CALN1: variants seen among roughly 807,000 people sequenced by gnomAD.
CALN1 encodes calneuron 1, also known as calcium-binding protein 8.
Under a neutral mutation model 30.6 loss-of-function variants are expected in CALN1, and 17 were observed. The ratio of observed to expected loss-of-function variants is 0.56; its 90% CI spans 0.38 to 0.83. The LOEUF is 0.83. CALN1 is among the 40% of genes least tolerant of loss of function. CALN1 has a pLI of 0.00. For missense variants in CALN1, 291 were observed against 354.9 expected, an observed-to-expected ratio of 0.82 and a Z score of 1.45; for synonymous variants, 156 against 131.4, an observed-to-expected ratio of 1.19 and a Z score of -1.28.
intron 3 of CALN1, among the ~76,000 whole-genome samples, chr7:72,206,073 A>G (rs1489675495): frequency 3.3e-5 from 5 of 152,198 alleles, no homozygotes. Context: ...TGAATCCTCA[A>G]TATCTGGAAG....
At chr7:72,370,979 T>C (rs1404860440) in intron 2 of CALN1, among the ~76,000 whole-genome samples, 1 of 140,704 alleles carries the variant, frequency 7.1e-6, no homozygotes, top group Non-Finnish European at 1.5e-5. Flanking sequence ...ACCCGGGACG[T>C]GGAGGTTGCA....
chr7:72,118,219 A>T (rs1301581229), intron 3 of CALN1, among the ~76,000 whole-genome samples: 1 of 152,190 alleles, frequency 6.6e-6, no homozygotes, highest in Non-Finnish European at 1.5e-5. Context: ...GCATTTTTGT[A>T]ACTTATTAAG....
intron 4 of CALN1, among the ~76,000 whole-genome samples, chr7:72,096,861 T>A (rs537805842): frequency 2.6e-5 from 4 of 152,276 alleles, no homozygotes; most frequent in Admixed American, 6.5e-5. Flanking sequence ...CATGCACACA[T>A]ATGTTTATTG....
In CALN1 at chr7:71,968,678, G is replaced by A. The variant is rs139187715; in HGVS notation, c.501+54979C>T. On this transcript the variant is annotated intron_variant, in intron 5 of 6. Transcript: ENST00000395275. Reference sequence around the variant, plus strand: ...ATTACAGGTGTGAGCCACCGTGCCGGGACCCGGGGTGATGGAAATATTCTC... The same window carrying A: ...ATTACAGGTGTGAGCCACCGTGCCGAGACCCGGGGTGATGGAAATATTCTC... Among the ~76,000 whole-genome samples, 344 of 152,012 alleles carry A rather than the reference G, an allele frequency of 2.3e-3. 1 individual carries two copies. The highest frequency in any genetic ancestry group is 0.014 in the Middle Eastern group (4 of 294).
chr7:72,004,962 A>G (rs1260321640), intron 5 of CALN1, among the ~76,000 whole-genome samples: 1 of 152,170 alleles, frequency 6.6e-6, no homozygotes, highest in Non-Finnish European at 1.5e-5. Context: ...CACACCTACC[A>G]GAATGGCTAA....
intron 5 of CALN1, among the ~76,000 whole-genome samples, chr7:71,813,052 G>A (rs1437121650): frequency 6.6e-6 from 1 of 151,816 alleles, no homozygotes; most frequent in Non-Finnish European, 1.5e-5. Flanking sequence ...GAGTTCAAGT[G>A]ATCCTTCTGT....
chr7:71,992,998 AAGAAAGAGAACCATTGGAG>A (rs1799035735), intron 5 of CALN1, among the ~76,000 whole-genome samples: 1 of 103,658 alleles, frequency 9.6e-6, no homozygotes, highest in African/African-American at 7.7e-5. Flanking sequence ...CTTCGCTCAT[AAGAAAGAGAACCATTGGAG>A]AAGAAAGAGA....
chr7:72,171,064 G>T (rs902899465), intron 3 of CALN1, among the ~76,000 whole-genome samples: 13 of 152,164 alleles, frequency 8.5e-5, no homozygotes, highest in African/African-American at 3.1e-4. Context: ...GGCTGAGGTG[G>T]GAGGATAGCT....
At chr7:71,996,654 T>TCAGGATAAATAGCTAATGCATG (rs1346707525) in intron 5 of CALN1, among the ~76,000 whole-genome samples, 11 of 152,170 alleles carry the variant, frequency 7.2e-5, no homozygotes, top group Non-Finnish European at 1.0e-4. Flanking sequence ...AGGGAGAGCA[T>TCAGGATAAATAGCTAATGCATG]CAGGATAAAT....
intron 4 of CALN1, among the ~76,000 whole-genome samples, chr7:72,050,327 AACC>A (rs1802755810): frequency 6.6e-6 from 1 of 152,212 alleles, no homozygotes; most frequent in Non-Finnish European, 1.5e-5. Flanking sequence ...CTAGATTATT[AACC>A]ATACACACAG....
intron 4 of CALN1, among the ~76,000 whole-genome samples, chr7:72,037,880 T>C (rs1801898461): frequency 6.6e-6 from 1 of 152,330 alleles, no homozygotes; most frequent in South Asian, 2.1e-4. Flanking sequence ...GCGTTCCTTG[T>C]AGAGGCAATT....
chr7:72,321,473 G>C (rs1460315585), intron 2 of CALN1, among the ~76,000 whole-genome samples: 1 of 152,130 alleles, frequency 6.6e-6, no homozygotes, highest in Non-Finnish European at 1.5e-5. Flanking sequence ...TGTTCTCTAT[G>C]GGTTTCAACG....
intron 3 of CALN1, among the ~76,000 whole-genome samples, chr7:72,188,165 T>C (rs1386876093): frequency 6.6e-6 from 1 of 151,916 alleles, no homozygotes; most frequent in East Asian, 1.9e-4. Context: ...CAAAGGATAC[T>C]GGCACACGCA....
At chr7:71,805,347 C>A (rs1302463660) in intron 6 of CALN1, among the ~76,000 whole-genome samples, 1 of 152,112 alleles carries the variant, frequency 6.6e-6, no homozygotes, top group Non-Finnish European at 1.5e-5. Flanking sequence ...TGAGTGGGGG[C>A]TCTGGGGCTG....
intron 5 of CALN1, among the ~76,000 whole-genome samples, chr7:71,880,088 G>A (rs1000949520): frequency 1.3e-5 from 2 of 152,104 alleles, no homozygotes; most frequent in East Asian, 1.9e-4. Flanking sequence ...AGTGAGCTAC[G>A]ATTGTGCCAC....
intron 5 of CALN1, among the ~76,000 whole-genome samples, chr7:71,973,397 A>C (rs946384604): frequency 8.5e-5 from 13 of 152,116 alleles, no homozygotes; most frequent in Admixed American, 7.9e-4. Context: ...GCTGGTCTCA[A>C]ACTCCTGACC....
At chr7:71,928,172 A>T (rs1795363564) in intron 5 of CALN1, among the ~76,000 whole-genome samples, 1 of 152,196 alleles carries the variant, frequency 6.6e-6, no homozygotes, top group Non-Finnish European at 1.5e-5. Flanking sequence ...TTGTGAGTGC[A>T]CAACGGAGGT....
chr7:72,055,273 GTCTAAC>G (rs1307658166), intron 4 of CALN1, among the ~76,000 whole-genome samples: 1 of 152,156 alleles, frequency 6.6e-6, no homozygotes, highest in Non-Finnish European at 1.5e-5. Flanking sequence ...GAATTTGGCA[GTCTAAC>G]TCCAGAGTCC....
intron 2 of CALN1, among the ~76,000 whole-genome samples, chr7:72,332,735 G>C (rs949212240): frequency 3.3e-5 from 5 of 152,016 alleles, no homozygotes; most frequent in Admixed American, 1.3e-4. Flanking sequence ...TATTGACGTT[G>C]TTAGCCAGAC....
Sources: allele counts gnomAD v4.1 joint callset (sites outside exome capture counted in the v4.1 genomes callset), GRCh38; gene constraint gnomAD v4.1.1; transcripts MANE v1.5; gene names NCBI Gene and HGNC (gene_info 2026-07-23, HGNC 2026-07-21).